The following FANCI variants were observed in gnomAD, a reference collection of about 807,000 sequenced individuals.
FANCI encodes Fanconi anemia group I protein.
A neutral mutation model predicts 176.1 loss-of-function variants in FANCI; 156 were observed. The observed-to-expected ratio is 0.89, with a 90% confidence interval of 0.78 to 1.01. FANCI has a LOEUF of 1.01. FANCI is among the 50% of genes least tolerant of loss of function. The pLI is 0.00. For synonymous variants in FANCI, 613 were observed against 541.7 expected (o/e 1.13, Z -1.83); for missense variants, 1,678 against 1,534.1 (o/e 1.09, Z -1.57).
intron 18 of FANCI, among the ~76,000 whole-genome samples, chr15:89,288,802 T>C (rs946424043): frequency 7.0e-6 from 1 of 143,782 alleles, no homozygotes; most frequent in East Asian, 2.0e-4. Flanking sequence ...TTTCTGTTTG[T>C]TTTTTTTTTT....
chr15:89,280,652 C>T (rs1382093467), intron 14 of FANCI, among the ~76,000 whole-genome samples: 1 of 152,100 alleles, frequency 6.6e-6, no homozygotes, highest in Non-Finnish European at 1.5e-5. Flanking sequence ...TTAAACTCTC[C>T]CTTTACCATT....
Position 89,261,784 on chromosome 15 carries a change from A to G in FANCI, c.446-37A>G, listed in dbSNP as rs778841077. ...TTAGTGGCTTTTTCTCTATGCACAT[A>G]ATCAAATTCATTGCTCAGTATATTT... On this transcript the variant is annotated intron_variant, in intron 5 of 37. Transcript: ENST00000310775. The G allele has an allele frequency of 3.1e-6, 5 of 1,614,162 alleles. No homozygotes were observed. In the South Asian group the frequency reaches 3.3e-5, roughly 11 times the overall value.
intron 7 of FANCI, 60 bp downstream of exon 7, chr15:89,263,520 A>G (rs2052805661): frequency 7.3e-7 from 1 of 1,367,146 alleles, no homozygotes; most frequent in African/African-American, 1.4e-5. Flanking sequence ...ACTTGCTAGA[A>G]ATTAAACTAT....
At chr15:89,264,133 A>G (rs748522442) in intron 8 of FANCI, 107 bp downstream of exon 8, 7 of 1,247,946 alleles carry the variant, frequency 5.6e-6, no homozygotes, top group African/African-American at 4.7e-5. Flanking sequence ...ATAGCCGAAC[A>G]TAGATGCTTT....
intron 3 of FANCI, among the ~76,000 whole-genome samples, chr15:89,259,554 G>A (rs1269899859): frequency 6.6e-6 from 1 of 152,158 alleles, no homozygotes. Context: ...ATGGCTTTTA[G>A]TATATTCAGA....
chr15:89,277,842 A>G (rs2053467946), intron 13 of FANCI, among the ~76,000 whole-genome samples: 1 of 152,146 alleles, frequency 6.6e-6, no homozygotes, highest in African/African-American at 2.4e-5. Context: ...CTTGATGTTC[A>G]ATTGTTTAAT....
chr15:89,314,293 G>A (rs1177394508), intron 35 of FANCI, among the ~76,000 whole-genome samples: 1 of 152,198 alleles, frequency 6.6e-6, no homozygotes, highest in African/African-American at 2.4e-5. Context: ...TAGAGCTAGG[G>A]CCAAAATAGG....
intron 31 of FANCI, 59 bp from the exon 32 acceptor site, chr15:89,305,947 CT>C: frequency 6.4e-7 from 1 of 1,553,418 alleles, no homozygotes; most frequent in Non-Finnish European, 8.9e-7. Flanking sequence ...TCTAAATCTC[CT>C]TTACTCTTAA....
intron 37 of FANCI, 80 bp downstream of exon 37, chr15:89,315,469 T>C (rs1482865629): frequency 2.1e-5 from 20 of 943,574 alleles, no homozygotes; most frequent in Non-Finnish European, 3.5e-5. Flanking sequence ...CACAGATTAG[T>C]GGAAGGGCAA....
intron 17 of FANCI, among the ~76,000 whole-genome samples, chr15:89,284,640 T>A (rs1201880044): frequency 6.6e-6 from 1 of 152,242 alleles, no homozygotes; most frequent in Non-Finnish European, 1.5e-5. Flanking sequence ...GATTTTATTA[T>A]GTAATTTACA....
Position 89,283,308 on chromosome 15 carries a change from A to G in FANCI, c.1698+58A>G, listed in dbSNP as rs2053687534. On this transcript the variant is annotated intron_variant, in intron 17 of 37. Transcript: ENST00000310775. ...GCGTATCATTCATGTGCATCGATGAAATGCACGCTGTTTTCTTTTATTCCT... is the reference window on the plus strand; with the variant it reads ...GCGTATCATTCATGTGCATCGATGAGATGCACGCTGTTTTCTTTTATTCCT... 9 of 1,609,806 alleles carry G rather than the reference A, an allele frequency of 5.6e-6. No homozygotes were observed. In the South Asian group the frequency reaches 8.8e-5, roughly 16 times the overall value.
At position 89,316,537 on chromosome 15, in the gene FANCI, G is replaced by A. The variant is rs2055270852; in HGVS notation, c.*78G>A. ...AACAAGCAACAATGCCCCTTGTCCT[G>A]TAGTCCACACCGATGTTGGCATCTT... On this transcript the variant is annotated 3_prime_UTR_variant, in exon 38 of 38. Coordinates refer to ENST00000310775, the MANE Select transcript of FANCI (RefSeq NM_001113378.2). 1.4e-6 allele frequency: 2 copies of A among 1,415,876 alleles called. No homozygotes were observed. The highest frequency in any genetic ancestry group is 1.4e-5 in the African/African-American group (1 of 70,518). The allele number at this position is 1,415,876 out of a possible 1,614,324, so 87.7% of individuals were successfully genotyped here. A position where few individuals can be genotyped will look rare whatever the true frequency, so the allele number is the denominator to read the frequency against.
At chr15:89,272,715 T>G (rs1310114774) in intron 10 of FANCI, among the ~76,000 whole-genome samples, 1 of 152,132 alleles carries the variant, frequency 6.6e-6, no homozygotes, top group African/African-American at 2.4e-5. Context: ...AGGACTTTTT[T>G]GGGGGATGCA....
intron 17 of FANCI, among the ~76,000 whole-genome samples, chr15:89,283,961 A>G (rs536163275): frequency 6.6e-6 from 1 of 151,898 alleles, no homozygotes; most frequent in East Asian, 1.9e-4. Context: ...ATGGGGTTTC[A>G]TTGTGTTAGT....
chr15:89,294,110 G>A (rs1847889750), intron 23 of FANCI, 113 bp downstream of exon 23: 2 of 1,241,482 alleles, frequency 1.6e-6, no homozygotes, highest in South Asian at 1.3e-5. Context: ...TAAGTCAGGA[G>A]GTTTTATTTT....
chr15:89,312,530 C>G (rs1260467750), intron 34 of FANCI, among the ~76,000 whole-genome samples: 1 of 152,206 alleles, frequency 6.6e-6, no homozygotes, highest in Non-Finnish European at 1.5e-5. Flanking sequence ...AAGAAAATTG[C>G]CACTAGTTGG....
chr15:89,263,907 G>T lies in FANCI; in HGVS notation c.550G>T (p.Val184Phe). Reference protein sequence around the residue: ...VIQLTSMFKDVPLTAEEVEFV... With the variant: ...VIQLTSMFKDFPLTAEEVEFV... ...TTTAGAATCTTTGATCCACAGGGATGTCCCTCTGACTGCAGAAGAGGTGGA... is the reference window on the plus strand; with the variant it reads ...TTTAGAATCTTTGATCCACAGGGATTTCCCTCTGACTGCAGAAGAGGTGGA... Residue 184 changes from valine to phenylalanine, a missense_variant, in exon 8 of 38, where the codon GTC becomes TTC. Coordinates refer to ENST00000310775, the MANE Select transcript of FANCI (RefSeq NM_001113378.2). The T allele has an allele frequency of 6.2e-7, 1 of 1,614,062 alleles. No individual in the cohort carries two copies. Among genetic ancestry groups the T allele is most frequent in the Non-Finnish European group, 8.5e-7 (1 of 1,179,946 alleles).
At chr15:89,266,357 C>A (rs2052961305) in intron 9 of FANCI, among the ~76,000 whole-genome samples, 1 of 144,378 alleles carries the variant, frequency 6.9e-6, no homozygotes, top group Non-Finnish European at 1.5e-5. Context: ...GAGAGGAAGT[C>A]TCACTGTGTT....
intron 35 of FANCI, 79 bp from the exon 36 acceptor site, chr15:89,314,527 ATACAGT>A: frequency 1.0e-6 from 1 of 987,062 alleles, no homozygotes; most frequent in East Asian, 2.4e-5. Flanking sequence ...CCCTAAAGCC[ATACAGT>A]TTTGTAAGTG....
Sources: gnomAD v4.1 joint callset for allele counts (sites outside exome capture counted in the v4.1 genomes callset) on GRCh38, gnomAD v4.1.1 for gene constraint, MANE v1.5 for transcripts, NCBI Gene and HGNC (gene_info 2026-07-23, HGNC 2026-07-21) for gene names.